Variants in DPP6 observed in about 807,000 individuals in gnomAD.
The protein encoded by DPP6 is A-type potassium channel modulatory protein DPP6.
In DPP6, 69 loss-of-function variants were observed where a neutral mutation model predicts 122.6. The ratio of observed to expected loss-of-function variants is 0.56; its 90% CI spans 0.46 to 0.69. The LOEUF is 0.69. Among genes scored for constraint, DPP6 ranks in the 30% least tolerant of loss-of-function variants. The pLI, the probability that DPP6 is intolerant of heterozygous loss-of-function variation, is 0.00. For synonymous variants in DPP6, 418 were observed against 433.1 expected (o/e 0.97, Z 0.43); for missense variants, 928 against 1,116.9 (o/e 0.83, Z 2.41).
intron 1 of DPP6, among the ~76,000 whole-genome samples, chr7:153,943,187 A>G (rs1801778920): frequency 6.6e-6 from 1 of 152,224 alleles, no homozygotes; most frequent in Non-Finnish European, 1.5e-5. Flanking sequence ...CACGAAATAC[A>G]AAAGTCTGAA....
intron 1 of DPP6, among the ~76,000 whole-genome samples, chr7:154,389,200 C>T (rs1007998873): frequency 6.6e-6 from 1 of 152,100 alleles, no homozygotes; most frequent in African/African-American, 2.4e-5. Flanking sequence ...CCCAGAGCAC[C>T]TGGGAGGAAA....
intron 1 of DPP6, among the ~76,000 whole-genome samples, chr7:154,091,120 CAA>C (rs71850251): frequency 2.4e-3 from 293 of 123,236 alleles, no homozygotes; most frequent in African/African-American, 7.9e-3. Flanking sequence ...GACTCCTTCT[CAA>C]AAAAAAAAAA....
chr7:154,194,607 G>C (rs1015949670), intron 1 of DPP6, among the ~76,000 whole-genome samples: 3 of 152,158 alleles, frequency 2.0e-5, no homozygotes, highest in African/African-American at 7.2e-5. Flanking sequence ...TTCCTAGAAC[G>C]ATACATAAAT....
chr7:154,091,490 A>G (rs1270404523), intron 1 of DPP6, among the ~76,000 whole-genome samples: 1 of 152,138 alleles, frequency 6.6e-6, no homozygotes, highest in Admixed American at 6.5e-5. Context: ...GTAGGAAGAA[A>G]ATGTGTTCCC....
intron 1 of DPP6, among the ~76,000 whole-genome samples, chr7:154,365,826 C>T (rs2337697): frequency 0.047 from 7,111 of 152,114 alleles, 485 homozygotes; most frequent in African/African-American, 0.15. Flanking sequence ...CACGTGGTGG[C>T]GGACGCCTGT....
At chr7:154,638,340 T>G (rs1405245090) in intron 6 of DPP6, among the ~76,000 whole-genome samples, 5 of 152,180 alleles carry the variant, frequency 3.3e-5, no homozygotes, top group African/African-American at 1.2e-4. Context: ...TACGGTAAAC[T>G]ACTCTGGTCA....
At chr7:154,619,469 G>A (rs1268122824) in intron 5 of DPP6, among the ~76,000 whole-genome samples, 1 of 152,190 alleles carries the variant, frequency 6.6e-6, no homozygotes, top group African/African-American at 2.4e-5. Flanking sequence ...AACCACTGAA[G>A]ATGGCTTCAC....
chr7:153,765,622 G>T, the DPP6 span, among the ~76,000 whole-genome samples: 1 of 152,036 alleles, frequency 6.6e-6, no homozygotes, highest in Admixed American at 6.6e-5. Context: ...TCTACATTCA[G>T]GGGGTATATC....
intron 1 of DPP6, among the ~76,000 whole-genome samples, chr7:154,129,622 G>A (rs1034473870): frequency 3.9e-5 from 6 of 152,180 alleles, no homozygotes; most frequent in East Asian, 1.9e-4. Flanking sequence ...ATTAGCGGCC[G>A]GGCACAGTGG....
chr7:153,958,467 C>T (rs1379080285), intron 1 of DPP6, among the ~76,000 whole-genome samples: 4 of 152,118 alleles, frequency 2.6e-5, no homozygotes, highest in Admixed American at 2.6e-4. Context: ...AGCTGCAAGG[C>T]AGGCTGGGAA....
chr7:154,435,677 T>C (rs545313962), intron 1 of DPP6, among the ~76,000 whole-genome samples: 9 of 152,370 alleles, frequency 5.9e-5, no homozygotes, highest in African/African-American at 2.2e-4. Flanking sequence ...CATCATTTGC[T>C]GTCCTCCTGA....
In DPP6 at chr7:154,337,833, T is replaced by A. The variant is rs149056701; in HGVS notation, c.244-108381T>A. Among the ~76,000 whole-genome samples the A allele has an allele frequency of 1.7e-3, 252 of 152,346 alleles. 1 individual carries two copies. The highest frequency in any genetic ancestry group is 5.7e-3 in the African/African-American group (237 of 41,584). ...CGTTTAAGCACCAGCTCTAAGGTAG[T>A]TGCAGTTTGCTGGGCTGATTTGGGT... On this transcript the variant is annotated intron_variant, in intron 1 of 25. Transcript: ENST00000377770.
At chr7:154,461,375 A>T (rs918725792) in intron 2 of DPP6, among the ~76,000 whole-genome samples, 10 of 152,220 alleles carry the variant, frequency 6.6e-5, no homozygotes, top group African/African-American at 2.2e-4. Context: ...TCTTTTGGGT[A>T]CATACCTAGC....
intron 16 of DPP6, among the ~76,000 whole-genome samples, chr7:154,812,293 T>C (rs982431043): frequency 6.6e-6 from 1 of 152,266 alleles, no homozygotes; most frequent in South Asian, 2.1e-4. Flanking sequence ...CAGTTTTTGG[T>C]AAGTTTAGCT....
At chr7:154,732,309 C>G (rs998342402) in intron 8 of DPP6, among the ~76,000 whole-genome samples, 6 of 152,202 alleles carry the variant, frequency 3.9e-5, no homozygotes, top group Admixed American at 6.5e-5. Context: ...TATAGTGGGA[C>G]AGCACAGAAT....
Position 154,271,873 on chromosome 7 carries a change from C to G in DPP6, c.244-174341C>G, listed in dbSNP as rs1264266698. Among the ~76,000 whole-genome samples the G allele has an allele frequency of 3.9e-5, 6 of 152,164 alleles. No homozygotes were observed. In the East Asian group the frequency reaches 1.2e-3, roughly 29 times the overall value. On this transcript the variant is annotated intron_variant, in intron 1 of 25. Transcript: ENST00000377770. ...ATTATTCAGGGAGGCCTTGCTATAC[C>G]TTTATCTCCGGGGTTTCCTGCCTTA...
chr7:154,573,449 G>C (rs910769174), intron 5 of DPP6, among the ~76,000 whole-genome samples: 1 of 152,206 alleles, frequency 6.6e-6, no homozygotes, highest in Non-Finnish European at 1.5e-5. Context: ...TGAACAGCCT[G>C]TCCACCACCC....
intron 1 of DPP6, among the ~76,000 whole-genome samples, chr7:154,077,918 C>A (rs560998621): frequency 3.9e-5 from 6 of 152,236 alleles, no homozygotes; most frequent in African/African-American, 1.4e-4. Flanking sequence ...ATCTGCCCTC[C>A]TCGGCCTCCC....
intron 1 of DPP6, among the ~76,000 whole-genome samples, chr7:154,419,778 C>T (rs547325988): frequency 6.6e-6 from 1 of 152,206 alleles, no homozygotes; most frequent in South Asian, 2.1e-4. Flanking sequence ...TTTGAGGAAC[C>T]TCTATACTCT....
Sources: allele counts gnomAD v4.1 joint callset (sites outside exome capture counted in the v4.1 genomes callset), GRCh38; gene constraint gnomAD v4.1.1; transcripts MANE v1.5; gene names NCBI Gene and HGNC (gene_info 2026-07-23, HGNC 2026-07-21).